UBE2D3: variants seen among roughly 807,000 people sequenced by gnomAD.
The protein encoded by UBE2D3 is ubiquitin-conjugating enzyme E2 D3.
A neutral mutation model predicts 22.8 loss-of-function variants in UBE2D3; 2 were observed. The observed-to-expected ratio is 0.09, with a 90% CI of 0.04 to 0.28. The LOEUF (loss-of-function observed/expected upper bound fraction) is 0.28. Among genes scored for constraint, UBE2D3 ranks in the 10% least tolerant of loss-of-function variants. UBE2D3 has a pLI of 1.00. For synonymous variants in UBE2D3, 56 were observed against 60.4 expected (o/e 0.93, Z 0.34); for missense variants, 27 against 182.5 (o/e 0.15, Z 4.91).
chr4:102,800,223 C>A (rs994317900), intron 6 of UBE2D3, among the ~76,000 whole-genome samples: 2 of 151,532 alleles, frequency 1.3e-5, no homozygotes, highest in Non-Finnish European at 2.9e-5. Context: ...TGGTTCTGAC[C>A]GATTTTTTTT....
intron 2 of UBE2D3, among the ~76,000 whole-genome samples, chr4:102,824,420 T>G (rs938465317): frequency 6.6e-6 from 1 of 152,232 alleles, no homozygotes; most frequent in Non-Finnish European, 1.5e-5. Context: ...ATCTAGGAAC[T>G]TAAAATTTGT....
chr4:102,822,765 C>CTCTACTAAAAAAACAAAAAAATTAGCT (rs1729824933), intron 2 of UBE2D3, among the ~76,000 whole-genome samples: 1 of 152,198 alleles, frequency 6.6e-6, no homozygotes, highest in African/African-American at 2.4e-5. Flanking sequence ...GAAACCCTGC[C>CTCTACTAAAAAAACAAAAAAATTAGCT]TCTACTAAAA....
chr4:102,834,749 G>GAAAAAAAAA (rs879634648), intron 1 of UBE2D3, among the ~76,000 whole-genome samples: 2 of 141,464 alleles, frequency 1.4e-5, no homozygotes, highest in Non-Finnish European at 3.1e-5. Context: ...ACCCTGTCTG[G>GAAAAAAAAA]AAAAAAAAAA....
At position 102,845,038 on chromosome 4, in the gene UBE2D3, AAAG is replaced by A. The variant is rs1286477481; in HGVS notation, c.-128-18405_-128-18403del. Among the ~76,000 whole-genome samples, 123 of 150,572 alleles carry A rather than the reference AAAG, an allele frequency of 8.2e-4. 2 individuals are homozygous for A. Among genetic ancestry groups the A allele is most frequent in the African/African-American group, 3.0e-3 (122 of 40,924 alleles). ...CTCCATCTCAAAAAAAAAAAAAAAA[AAAG>A]AATTCTACCCAGCCTGGCCAATATG... On this transcript the variant is annotated intron_variant, in intron 1 of 7. Coordinates refer to the UBE2D3 transcript ENST00000338145.
chr4:102,861,829 G>A (rs1319922884), intron 1 of UBE2D3, among the ~76,000 whole-genome samples: 1 of 151,974 alleles, frequency 6.6e-6, no homozygotes, highest in Non-Finnish European at 1.5e-5. Context: ...GACTGCAAAA[G>A]TGGTATGTCA....
chr4:102,838,292 G>C (rs998509942), intron 1 of UBE2D3, among the ~76,000 whole-genome samples: 1 of 152,182 alleles, frequency 6.6e-6, no homozygotes, highest in African/African-American at 2.4e-5. Flanking sequence ...TATGTCTATT[G>C]TATCTGCATG....
intron 2 of UBE2D3, among the ~76,000 whole-genome samples, chr4:102,814,111 A>G (rs915012229): frequency 1.3e-5 from 2 of 152,212 alleles, no homozygotes; most frequent in African/African-American, 4.8e-5. Context: ...AATTCATTCC[A>G]AATACTATTG....
chr4:102,857,278 T>C (rs1234779450), intron 1 of UBE2D3, among the ~76,000 whole-genome samples: 4 of 152,192 alleles, frequency 2.6e-5, no homozygotes, highest in Non-Finnish European at 5.9e-5. Flanking sequence ...TATTTTAAAA[T>C]TGGAGGCTAG....
chr4:102,829,023 TA>T (rs566356956), upstream of UBE2D3, among the ~76,000 whole-genome samples: 1 of 152,228 alleles, frequency 6.6e-6, no homozygotes, highest in African/African-American at 2.4e-5. Context: ...TTTTACCTAA[TA>T]AAAACTTAAC....
rs1314106491 is a variant in UBE2D3, at chr4:102,795,470, T to A, written c.*1945A>T. On this transcript the variant is annotated 3_prime_UTR_variant, in exon 8 of 8. Transcript: ENST00000453744. ...ACTAATTTCTCATTCATAATTTGAA[T>A]CCAAAAAAGTTATGCAGTATGACAT... 6.6e-6 allele frequency: 1 copy of A among 151,996 alleles called. No individual in the cohort carries two copies. Among genetic ancestry groups the A allele is most frequent in the Non-Finnish European group, 1.5e-5 (1 of 67,922 alleles). 9.4% of individuals were successfully genotyped at this position (151,996 alleles called of 1,614,324 possible). A position where few individuals can be genotyped will look rare whatever the true frequency, so the allele number is the denominator to read the frequency against.
At chr4:102,813,885 A>G (rs1222535787) in intron 2 of UBE2D3, among the ~76,000 whole-genome samples, 1 of 152,236 alleles carries the variant, frequency 6.6e-6, no homozygotes, top group Non-Finnish European at 1.5e-5. Context: ...TGGTCAGTCT[A>G]GATTAATGCC....
intron 1 of UBE2D3, among the ~76,000 whole-genome samples, chr4:102,859,046 T>G (rs75204002): frequency 0.016 from 2,497 of 152,060 alleles, 71 homozygotes; most frequent in African/African-American, 0.054. Context: ...TAGTTTCCAC[T>G]TGAAGTACTT....
At chr4:102,803,582 T>G (rs1049247268) in intron 4 of UBE2D3, among the ~76,000 whole-genome samples, 3 of 152,216 alleles carry the variant, frequency 2.0e-5, no homozygotes, top group African/African-American at 7.2e-5. Context: ...ATATACTGTA[T>G]GTGTGTTAAG....
chr4:102,829,417 G>A (rs1459835440), upstream of UBE2D3, among the ~76,000 whole-genome samples: 1 of 152,188 alleles, frequency 6.6e-6, no homozygotes, highest in African/African-American at 2.4e-5. Flanking sequence ...GATGGAGGGA[G>A]GAACCCAGAT....
chr4:102,810,368 AC>A (rs1239994877), intron 2 of UBE2D3: 3 of 88,716 alleles, frequency 3.4e-5, no homozygotes, highest in East Asian at 3.1e-4. Flanking sequence ...TCTCAACTCA[AC>A]CTTTTTTTTT....
intron 4 of UBE2D3, among the ~76,000 whole-genome samples, chr4:102,806,961 C>T (rs892570218): frequency 6.6e-6 from 1 of 152,130 alleles, no homozygotes; most frequent in Non-Finnish European, 1.5e-5. Context: ...TAAGCCAGTA[C>T]ATATGATTAT....
intron 1 of UBE2D3, chr4:102,843,729 G>A (rs72931902): frequency 0.019 from 2,818 of 152,212 alleles, 82 homozygotes; most frequent in African/African-American, 0.061. Flanking sequence ...TGCATATGTC[G>A]TACCAAAGCA....
At chr4:102,841,377 A>G (rs1177526912) in intron 1 of UBE2D3, among the ~76,000 whole-genome samples, 1 of 152,160 alleles carries the variant, frequency 6.6e-6, no homozygotes, top group East Asian at 1.9e-4. Flanking sequence ...CTATTTAAAT[A>G]AATCACTATT....
chr4:102,802,437 C>G (rs1159404373), intron 5 of UBE2D3, 124 bp downstream of exon 5: 3 of 665,062 alleles, frequency 4.5e-6, no homozygotes, highest in Non-Finnish European at 7.2e-6. Context: ...GAGTCAGCAT[C>G]TATACATGAG....
Sources: allele counts gnomAD v4.1 joint callset (sites outside exome capture counted in the v4.1 genomes callset), GRCh38; gene constraint gnomAD v4.1.1; transcripts MANE v1.5; gene names NCBI Gene and HGNC (gene_info 2026-07-23, HGNC 2026-07-21).